EOGT: variants seen among roughly 807,000 people sequenced by gnomAD.
EOGT encodes the protein EGF domain specific O-linked N-acetylglucosamine transferase, also known as EGF domain-specific O-linked N-acetylglucosamine transferase.
In EOGT, 55 loss-of-function variants were observed where a neutral mutation model predicts 70.5. That is an observed-to-expected ratio of 0.78 (90% CI 0.63 to 0.98). The LOEUF is 0.98. Among genes scored for constraint, EOGT ranks in the 50% least tolerant of loss-of-function variants. EOGT has a pLI of 0.00. For synonymous variants in EOGT, 246 were observed against 217.1 expected, an observed-to-expected ratio of 1.13 and a Z score of -1.17; for missense variants, 703 against 641.9, an observed-to-expected ratio of 1.10 and a Z score of -1.03.
chr3:68,977,407 C>A lies in EOGT; in HGVS notation c.*211G>T. On this transcript the variant is annotated 3_prime_UTR_variant, in exon 18 of 18. Coordinates refer to ENST00000383701, the MANE Select transcript of EOGT (RefSeq NM_001278689.2). ...TTTGAACTATAAAAAGTTTTCAGTGCAAAATTATTGCTATTGATAAATAGC... is the reference window on the plus strand; with the variant it reads ...TTTGAACTATAAAAAGTTTTCAGTGAAAAATTATTGCTATTGATAAATAGC... The A allele has an allele frequency of 4.1e-6, 2 of 486,232 alleles. No homozygotes were observed. The highest frequency in any genetic ancestry group is 3.5e-6 in the Non-Finnish European group (1 of 283,812). 30.1% of individuals were successfully genotyped at this position (486,232 alleles called of 1,614,324 possible). A position where few individuals can be genotyped will look rare whatever the true frequency, so the allele number is the denominator to read the frequency against.
At chr3:68,983,393 T>G (rs1410694724) in intron 14 of EOGT, among the ~76,000 whole-genome samples, 1 of 152,204 alleles carries the variant, frequency 6.6e-6, no homozygotes, top group Non-Finnish European at 1.5e-5. Flanking sequence ...TTTCAGTACT[T>G]CTACATAGAA....
Position 69,012,480 on chromosome 3 carries a change from G to A in EOGT, c.-71+35C>T, listed in dbSNP as rs556420495. ...TGACCTTTGGTTATCCAAGTCCATT[G>A]TCCTCCAGTGAGCTCTGGCCATCAC... On this transcript the variant is annotated intron_variant, in intron 2 of 17. Transcript: ENST00000383701. 6.6e-5 allele frequency: 10 copies of A among 152,406 alleles called. No homozygotes were observed. In the East Asian group the frequency reaches 1.5e-3, roughly 24 times the overall value. 9.4% of individuals were successfully genotyped at this position (152,406 alleles called of 1,614,324 possible).
At chr3:69,008,277 T>G in intron 5 of EOGT, 151 bp downstream of exon 5, 1 of 641,656 alleles carries the variant, frequency 1.6e-6, no homozygotes, top group Non-Finnish European at 2.8e-6. Flanking sequence ...CAGTATGAAA[T>G]AGTCAAGTTG....
chr3:68,989,052 T>C (rs1246788118), intron 10 of EOGT, 35 bp from the exon 11 acceptor site: 6 of 1,240,866 alleles, frequency 4.8e-6, no homozygotes, highest in Non-Finnish European at 6.7e-6. Context: ...TTTAGGGCAA[T>C]AAAAGGATAT....
chr3:69,011,207 A>C (rs377064460), intron 3 of EOGT, among the ~76,000 whole-genome samples: 1 of 5,404 alleles, frequency 1.9e-4, no homozygotes, highest in Admixed American at 1.1e-3. Flanking sequence ...TTTTTTTTTT[A>C]AGTGCTCTTT....
Position 68,998,119 on chromosome 3 carries a change from T to C in EOGT, c.728-5A>G, listed in dbSNP as rs2091201964. 3 of 1,483,170 alleles carry C rather than the reference T, an allele frequency of 2.0e-6. No individual in the cohort carries two copies. The highest frequency in any genetic ancestry group is 2.8e-6 in the Non-Finnish European group (3 of 1,071,768). The allele number at this position is 1,483,170 out of a possible 1,614,324, so 91.9% of individuals were successfully genotyped here. ...AGTGGTGATACATGTTAACACCTAGTGTTGGAAAATGAAACTACATTAATT... is the reference window on the plus strand; with the variant it reads ...AGTGGTGATACATGTTAACACCTAGCGTTGGAAAATGAAACTACATTAATT... On this transcript the variant is annotated splice_polypyrimidine_tract_variant and splice_region_variant and intron_variant, in intron 9 of 17. Coordinates refer to ENST00000383701, the MANE Select transcript of EOGT (RefSeq NM_001278689.2).
At chr3:68,978,214 T>A in intron 17 of EOGT, 119 bp downstream of exon 17, 2 of 746,846 alleles carry the variant, frequency 2.7e-6, no homozygotes, top group Non-Finnish European at 4.5e-6. Context: ...CAATTCAGTA[T>A]TCCAGAGAAC....
At chr3:68,986,461 G>A (rs2314605) in intron 14 of EOGT, among the ~76,000 whole-genome samples, 55,001 of 151,744 alleles carry the variant, frequency 0.36, 10,406 homozygotes, top group East Asian at 0.54. Context: ...ACGATCTGTG[G>A]CCCCCTGCAC....
intron 10 of EOGT, among the ~76,000 whole-genome samples, chr3:68,992,910 T>A (rs1016278614): frequency 1.3e-5 from 2 of 152,214 alleles, no homozygotes; most frequent in Non-Finnish European, 2.9e-5. Flanking sequence ...AGCCACAGCC[T>A]GAGCTGTACA....
At chr3:68,994,235 T>C (rs911779049) in intron 10 of EOGT, among the ~76,000 whole-genome samples, 2 of 152,110 alleles carry the variant, frequency 1.3e-5, no homozygotes, top group Non-Finnish European at 2.9e-5. Flanking sequence ...TCCTAGCTAC[T>C]TGGGAGGCTG....
At chr3:69,006,664 G>C (rs1035820248) in intron 6 of EOGT, among the ~76,000 whole-genome samples, 2 of 152,200 alleles carry the variant, frequency 1.3e-5, no homozygotes, top group Non-Finnish European at 2.9e-5. Flanking sequence ...AGAGGAAATT[G>C]AAACAAGGAA....
chr3:68,977,871 C>T, intron 17 of EOGT, 107 bp from the exon 18 acceptor site: 4 of 1,158,500 alleles, frequency 3.5e-6, no homozygotes, highest in African/African-American at 1.6e-5. Context: ...TTATGTTCTA[C>T]ATCAGAGACC....
intron 4 of EOGT, among the ~76,000 whole-genome samples, chr3:69,009,138 G>A (rs946584449): frequency 1.3e-5 from 2 of 152,162 alleles, no homozygotes; most frequent in African/African-American, 4.8e-5. Flanking sequence ...ACAATGCCCA[G>A]CTTTGATCTC....
At chr3:68,996,947 T>C (rs2091166934) in intron 10 of EOGT, among the ~76,000 whole-genome samples, 2 of 152,216 alleles carry the variant, frequency 1.3e-5, no homozygotes, top group Non-Finnish European at 1.5e-5. Context: ...AAGTACTGTG[T>C]ACCAGGCATG....
chr3:68,988,372 A>G lies in EOGT; in HGVS notation c.1006T>C (p.Cys336Arg). The G allele has an allele frequency of 6.5e-7, 1 of 1,535,404 alleles. No individual in the cohort carries two copies. The highest frequency in any genetic ancestry group is 2.0e-5 in the Admixed American group (1 of 50,988). Reference protein sequence around the residue: ...LFYNTPLISGCQNTGLFRAFA... With the variant: ...LFYNTPLISGRQNTGLFRAFA... ...GCCCTGAATAGTCCAGTATTTTGACAGCCAGATATCTAAAATAAAAACACT... is the reference window on the plus strand; with the variant it reads ...GCCCTGAATAGTCCAGTATTTTGACGGCCAGATATCTAAAATAAAAACACT... The change falls in exon 13 of 18, where the codon TGT (cysteine) becomes CGT (arginine). Residue 336 changes from cysteine to arginine, a missense_variant. Transcript: ENST00000383701.
chr3:68,985,646 C>T (rs2090783631), intron 14 of EOGT, among the ~76,000 whole-genome samples: 1 of 152,146 alleles, frequency 6.6e-6, no homozygotes, highest in Non-Finnish European at 1.5e-5. Flanking sequence ...ATGCATCTAC[C>T]ATGTCATCTC....
intron 10 of EOGT, among the ~76,000 whole-genome samples, chr3:68,994,335 C>T (rs1027082964): frequency 1.3e-5 from 2 of 151,860 alleles, no homozygotes; most frequent in Non-Finnish European, 2.9e-5. Flanking sequence ...CATATTTGCA[C>T]TTATTAAAAT....
rs2091474118 is a variant in EOGT, at chr3:69,007,728, A to G, written c.405T>C (p.Cys135=). ...RERLEEMHVL[C]QPKETSDSSL... ...AAATACCCACCGTTTCCTTAGGCTG[A>G]CAGAGCACATGCATCTCCTCCAGCC... Residue 135 remains cysteine (C), a synonymous_variant, in exon 6 of 18, where the codon TGT becomes TGC. Coordinates refer to ENST00000383701, the MANE Select transcript of EOGT (RefSeq NM_001278689.2). The G allele has an allele frequency of 3.1e-6, 5 of 1,608,060 alleles. No individual in the cohort carries two copies. Among genetic ancestry groups the G allele is most frequent in the Non-Finnish European group, 4.3e-6 (5 of 1,176,058 alleles).
chr3:69,013,398 C>G (rs2091627899), intron 1 of EOGT, among the ~76,000 whole-genome samples, 176 bp downstream of exon 1: 1 of 151,962 alleles, frequency 6.6e-6, no homozygotes, highest in South Asian at 2.1e-4. Flanking sequence ...CGGCTTCCGA[C>G]GCCCGCCTCC....
Sources: allele counts gnomAD v4.1 joint callset (sites outside exome capture counted in the v4.1 genomes callset), GRCh38; gene constraint gnomAD v4.1.1; transcripts MANE v1.5; gene names NCBI Gene and HGNC (gene_info 2026-07-23, HGNC 2026-07-21).